STAT2: variants seen among roughly 807,000 people sequenced by gnomAD.
The protein encoded by STAT2 is signal transducer and activator of transcription 2, also known as interferon alpha induced transcriptional activator.
STAT2 carries 51 observed loss-of-function variants against 122.3 expected under a neutral mutation model. The observed-to-expected ratio is 0.42, with a 90% CI of 0.33 to 0.53. The LOEUF (loss-of-function observed/expected upper bound fraction) is 0.53, where lower values mean the gene tolerates loss of function less well. Ranked by LOEUF, STAT2 falls within the 20% of genes least tolerant of loss-of-function variation. The pLI, the probability that STAT2 is intolerant of heterozygous loss-of-function variation, is 0.10. For synonymous variants in STAT2, 351 were observed against 394.9 expected (o/e 0.89, Z 1.32); for missense variants, 736 against 1,010.3 (o/e 0.73, Z 3.68).
Position 56,346,389 on chromosome 12 carries a change from G to C in STAT2, c.2044+53C>G, listed in dbSNP as rs1877464161. The stretch of plus-strand genomic sequence containing the variant: ...TTTAAAGGAAGGAGTGGGATCTATG[G>C]ATGTCTGGTAGATCTCTGCAATCTA... On this transcript the variant is annotated intron_variant, in intron 21 of 23. Transcript: ENST00000314128. The C allele has an allele frequency of 2.5e-6, 4 of 1,603,308 alleles. No homozygotes were observed. In the South Asian group the frequency reaches 3.3e-5, roughly 13 times the overall value.
chr12:56,353,763 T>C (rs1001820443), intron 8 of STAT2, among the ~76,000 whole-genome samples: 1 of 150,762 alleles, frequency 6.6e-6, no homozygotes, highest in Admixed American at 6.6e-5. Flanking sequence ...GGAGCCCAAG[T>C]TGGGTGGATC....
At position 56,343,439 on chromosome 12, in the gene STAT2, G is replaced by A. The variant is rs752192658; in HGVS notation, c.2506C>T (p.Arg836Cys). 22 of 1,614,112 alleles carry A rather than the reference G, an allele frequency of 1.4e-5. No homozygotes were observed. Among genetic ancestry groups the A allele is most frequent in the Non-Finnish European group, 1.8e-5 (21 of 1,180,000 alleles). Residue 836 changes from arginine to cysteine, a missense_variant, in exon 24 of 24, where the codon CGC becomes TGC. By Grantham distance (180) the Arg-to-Cys change is radical. Transcript: ENST00000314128. ...QNTVDEVYVS[R>C]PSHFYTDGPL... is the part of the protein sequence containing the mutation. ...CCATCAGTGTAGAAGTGGCTGGGGCGGGAGACGTAAACCTCATCCACGGTG... is the reference window on the plus strand; with the variant it reads ...CCATCAGTGTAGAAGTGGCTGGGGCAGGAGACGTAAACCTCATCCACGGTG...
intron 8 of STAT2, among the ~76,000 whole-genome samples, chr12:56,354,184 G>T (rs1879145171): frequency 6.8e-6 from 1 of 146,554 alleles, no homozygotes; most frequent in Non-Finnish European, 1.5e-5. Flanking sequence ...TGTATTCGTT[G>T]CAGTAAAAAA....
chr12:56,356,104 C>T, intron 3 of STAT2, 28 bp downstream of exon 3: 5 of 1,609,140 alleles, frequency 3.1e-6, no homozygotes, highest in Non-Finnish European at 4.2e-6. Flanking sequence ...CCCAGTGCTA[C>T]CCCATCACTC....
At chr12:56,359,049 C>T (rs1002304918) in intron 1 of STAT2, among the ~76,000 whole-genome samples, 7 of 152,118 alleles carry the variant, frequency 4.6e-5, no homozygotes, top group African/African-American at 1.7e-4. Flanking sequence ...AGAATTCATG[C>T]ATATTTGTGG....
chr12:56,350,603 G>C (rs1390078544), intron 11 of STAT2, among the ~76,000 whole-genome samples, 171 bp from the exon 12 acceptor site: 1 of 152,340 alleles, frequency 6.6e-6, no homozygotes, highest in East Asian at 1.9e-4. Flanking sequence ...TGTTTGTACA[G>C]TGCACTGGTA....
chr12:56,355,819 A>G lies in STAT2; in HGVS notation c.286-16T>C, dbSNP rs1411033246. On this transcript the variant is annotated splice_polypyrimidine_tract_variant and intron_variant, in intron 3 of 23. Coordinates refer to ENST00000314128, the MANE Select transcript of STAT2 (RefSeq NM_005419.4). ...GGGAAAAGGGCTAGAATAGGTAAAC[A>G]GAAAGGATTGATCCAATTCAACCAC... 6.2e-7 allele frequency: 1 copy of G among 1,609,910 alleles called. No homozygotes were observed. The highest frequency in any genetic ancestry group is 1.3e-5 in the African/African-American group (1 of 74,838).
intron 22 of STAT2, among the ~76,000 whole-genome samples, chr12:56,345,266 G>C (rs7972537): frequency 0.02 from 2,935 of 149,480 alleles, 103 homozygotes; most frequent in African/African-American, 0.068. Flanking sequence ...CAAGGCAGGA[G>C]ACTGCTTGAG....
At chr12:56,354,403 G>C (rs1879186776) in intron 8 of STAT2, 63 bp downstream of exon 8, 1 of 1,608,546 alleles carries the variant, frequency 6.2e-7, no homozygotes, top group Admixed American at 1.7e-5. Context: ...GCTATATGCA[G>C]GGCACTGCAA....
In STAT2 at chr12:56,355,705, C is replaced by T. The variant is rs1879403720; in HGVS notation, c.381+3G>A. The stretch of plus-strand genomic sequence containing the variant: ...TCCAACATTACCACTGAATTGTCCT[C>T]ACCAATTGGGCCCTCTGAGCCTGGA... On this transcript the variant is annotated splice_donor_region_variant and intron_variant, in intron 4 of 23. Coordinates refer to ENST00000314128, the MANE Select transcript of STAT2 (RefSeq NM_005419.4). The T allele has an allele frequency of 6.2e-7, 1 of 1,613,710 alleles. No homozygotes were observed. Among genetic ancestry groups the T allele is most frequent in the African/African-American group, 1.3e-5 (1 of 74,880 alleles).
intron 21 of STAT2, 101 bp from the exon 22 acceptor site, chr12:56,346,304 TA>T: frequency 6.4e-7 from 1 of 1,556,960 alleles, no homozygotes; most frequent in Non-Finnish European, 8.8e-7. Flanking sequence ...ATCCCCATAG[TA>T]ACCAGCAGTA....
chr12:56,346,617 C>CTTGTCTGGAGATG lies in STAT2; in HGVS notation c.1868_1869insCATCTCCAGACAA (p.Leu624IlefsTer24). The CTTGTCTGGAGATG allele has an allele frequency of 6.2e-7, 1 of 1,614,106 alleles. No homozygotes were observed. Among genetic ancestry groups the CTTGTCTGGAGATG allele is most frequent in the South Asian group, 1.1e-5 (1 of 91,084 alleles). On this transcript the variant is annotated frameshift_variant, in exon 21 of 24. Transcript: ENST00000314128. LOFTEE classifies it high-confidence loss of function. ...TGTACGGTTGCACAGAGTAGATGAG[C>CTTGTCTGGAGATG]ACCTTGTCTGGAGAGTGAATGCAGG...
At chr12:56,345,348 G>A (rs1877222378) in intron 22 of STAT2, among the ~76,000 whole-genome samples, 1 of 144,880 alleles carries the variant, frequency 6.9e-6, no homozygotes, top group Non-Finnish European at 1.5e-5. Context: ...AAAATTAGCT[G>A]AGTGTGATTG....
Position 56,348,971 on chromosome 12 carries a change from C to T in STAT2, c.1529G>A (p.Arg510Gln), listed in dbSNP as rs755099508. The change falls in exon 17 of 24, where the codon CGA becomes CAA. Residue 510 changes from arginine (R) to glutamine (Q), a missense_variant. Coordinates refer to ENST00000314128, the MANE Select transcript of STAT2 (RefSeq NM_005419.4). The part of the protein sequence containing the change: ...LSWQFSSYVG[R>Q]GLNSDQLSML... ...GCTCAGCTGGTCTGAGTTGAGGCCT[C>T]GGCCAACATAGGAGGAGAACTGCCA... 6 of 1,613,888 alleles carry T rather than the reference C, an allele frequency of 3.7e-6. No individual in the cohort carries two copies. The highest frequency in any genetic ancestry group is 5.1e-6 in the Non-Finnish European group (6 of 1,179,956).
intron 19 of STAT2, among the ~76,000 whole-genome samples, chr12:56,347,829 C>T (rs1877738476): frequency 1.3e-5 from 2 of 152,142 alleles, no homozygotes; most frequent in African/African-American, 4.8e-5. Context: ...AAGCCAAATG[C>T]TACACAAGTT....
chr12:56,352,349 CTTTTTTTTTTT>C (rs76024169), intron 8 of STAT2: 1 of 21,098 alleles, frequency 4.7e-5, no homozygotes, highest in African/African-American at 1.6e-4. Flanking sequence ...TTGTAACTAT[CTTTTTTTTTTT>C]TTTTTTTTTT....
chr12:56,343,738 G>T (rs1876918471), intron 23 of STAT2, 87 bp downstream of exon 23: 2 of 1,570,400 alleles, frequency 1.3e-6, no homozygotes, highest in South Asian at 2.4e-5. Context: ...GAGGAGCTTG[G>T]AGTTCAGCTT....
chr12:56,353,492 A>G (rs2136075640), intron 8 of STAT2, among the ~76,000 whole-genome samples: 1 of 152,324 alleles, frequency 6.6e-6, no homozygotes, highest in Non-Finnish European at 1.5e-5. Context: ...TATTGAAAAC[A>G]GTAGGTATTT....
intron 1 of STAT2, among the ~76,000 whole-genome samples, chr12:56,357,489 C>T (rs1482794710): frequency 9.2e-5 from 14 of 151,418 alleles, no homozygotes; most frequent in Non-Finnish European, 2.1e-4. Flanking sequence ...TATAGGCTCC[C>T]GCCACCATGC....
Sources: gnomAD v4.1 joint callset for allele counts (sites outside exome capture counted in the v4.1 genomes callset) on GRCh38, gnomAD v4.1.1 for gene constraint, MANE v1.5 for transcripts, NCBI Gene and HGNC (gene_info 2026-07-23, HGNC 2026-07-21) for gene names.